Variants in PTGER3 observed in about 807,000 individuals in gnomAD.
The protein encoded by PTGER3 is prostaglandin E2 receptor EP3 subtype.
In PTGER3, 22 loss-of-function variants were observed where a neutral mutation model predicts 34.7. The ratio of observed to expected loss-of-function variants is 0.63; its 90% CI spans 0.45 to 0.91. PTGER3 has a LOEUF of 0.91. Among genes scored for constraint, PTGER3 ranks in the 40% least tolerant of loss-of-function variants. The pLI, the probability that PTGER3 is intolerant of heterozygous loss-of-function variation, is 0.00. For missense variants in PTGER3, 468 were observed against 519.4 expected, an observed-to-expected ratio of 0.90 and a Z score of 0.96; for synonymous variants, 241 against 230.1, an observed-to-expected ratio of 1.05 and a Z score of -0.43.
At chr1:70,936,046 T>C (rs1257375863) in intron 4 of PTGER3, among the ~76,000 whole-genome samples, 2 of 152,098 alleles carry the variant, frequency 1.3e-5, no homozygotes, top group Non-Finnish European at 2.9e-5. Flanking sequence ...ATGAAAAACA[T>C]CTAGTATGAG....
At position 70,907,927 on chromosome 1, in the gene PTGER3, G is replaced by A. The variant is rs555676117; in HGVS notation, c.*23+45836C>T. Among the ~76,000 whole-genome samples, 7 of 152,236 alleles carry A rather than the reference G, an allele frequency of 4.6e-5. No individual in the cohort carries two copies. The South Asian group carries it at 8.3e-4, about 18-fold the overall frequency. ...AGTGAGGGGAAATTCTCACTACTGCGGGCAGAGCTTCAAGAAGTACATCCA... is the reference window on the plus strand; with the variant it reads ...AGTGAGGGGAAATTCTCACTACTGCAGGCAGAGCTTCAAGAAGTACATCCA... On this transcript the variant is annotated intron_variant, in intron 4 of 4. Coordinates refer to the PTGER3 transcript ENST00000370931.
intron 1 of PTGER3, among the ~76,000 whole-genome samples, chr1:71,043,516 C>A (rs1573014428): frequency 6.6e-6 from 1 of 152,140 alleles, no homozygotes; most frequent in Non-Finnish European, 1.5e-5. Flanking sequence ...TTATTATAGT[C>A]ATGATAGTCT....
Position 70,857,061 on chromosome 1 carries a change from T to C in PTGER3, c.*24-4202A>G, listed in dbSNP as rs544867129. 2.6e-5 allele frequency among the ~76,000 whole-genome samples: 4 copies of C among 152,354 alleles called. No individual in the cohort carries two copies. The South Asian group carries it at 8.3e-4, about 32-fold the overall frequency. ...TTTTTGCTACATACATTTAGATTCA[T>C]ATTGGAAAATATTGTACTTTTAGCT... is the stretch of plus-strand genomic sequence containing the variant. On this transcript the variant is annotated intron_variant, in intron 4 of 4. Transcript: ENST00000370931.
At chr1:70,994,510 T>C (rs955121970) in intron 2 of PTGER3, among the ~76,000 whole-genome samples, 1 of 151,922 alleles carries the variant, frequency 6.6e-6, no homozygotes, top group East Asian at 1.9e-4. Context: ...CAGGCTGCAG[T>C]GCAGTAGTGC....
chr1:70,968,869 A>G (rs1652803535), downstream of PTGER3, among the ~76,000 whole-genome samples: 1 of 152,122 alleles, frequency 6.6e-6, no homozygotes, highest in South Asian at 2.1e-4. Flanking sequence ...TTATTTTGTT[A>G]CTTATTACTT....
chr1:70,931,425 T>C (rs1041165857), intron 4 of PTGER3, among the ~76,000 whole-genome samples: 2 of 152,250 alleles, frequency 1.3e-5, no homozygotes, highest in African/African-American at 2.4e-5. Context: ...GTAGGGACTC[T>C]GTGTGGGGGC....
In PTGER3 at chr1:71,046,560, G is replaced by A. The variant is rs1329431587; in HGVS notation, c.897+121C>T. ...CCAAGACCGCGCGGGCAGGAGGAAA[G>A]GACACTTCAGCGCTCTGCGGTTGCA... On this transcript the variant is annotated intron_variant, in intron 1 of 3. Coordinates refer to ENST00000306666, the MANE Select transcript of PTGER3 (RefSeq NM_198719.2). 9 of 1,244,322 alleles carry A rather than the reference G, an allele frequency of 7.2e-6. No individual in the cohort carries two copies. In the East Asian group the frequency reaches 2.4e-4, roughly 33 times the overall value. 77.1% of individuals were successfully genotyped at this position (1,244,322 alleles called of 1,614,324 possible).
intron 2 of PTGER3, among the ~76,000 whole-genome samples, chr1:70,981,351 CTTTCTTTCTTTCTTTCTTTCTTTCTT>C (rs1264685491): frequency 2.3e-4 from 19 of 82,898 alleles, no homozygotes; most frequent in African/African-American, 8.4e-4. Flanking sequence ...TTCTTTCTTT[CTTTCTTTCTTTCTTTCTTTCTTTCTT>C]TCTTTCTTTC....
At chr1:70,967,752 T>C (rs1652678605), downstream of PTGER3, among the ~76,000 whole-genome samples, 3 of 152,206 alleles carry the variant, frequency 2.0e-5, no homozygotes, top group Admixed American at 2.0e-4. Context: ...AAAAACTTTT[T>C]CTCTTAGTTT....
downstream of PTGER3, among the ~76,000 whole-genome samples, chr1:70,948,745 G>T (rs901486512): frequency 2.0e-5 from 3 of 152,010 alleles, no homozygotes; most frequent in Non-Finnish European, 4.4e-5. Context: ...AGCAGATTTT[G>T]CAATAACTGA....
chr1:70,921,413 A>G (rs1647510881), intron 4 of PTGER3, among the ~76,000 whole-genome samples: 1 of 152,108 alleles, frequency 6.6e-6, no homozygotes, highest in Non-Finnish European at 1.5e-5. Flanking sequence ...CTGTCGAATG[A>G]ATGGTAAAAA....
At chr1:70,948,278 C>T (rs1650409475), downstream of PTGER3, among the ~76,000 whole-genome samples, 1 of 152,136 alleles carries the variant, frequency 6.6e-6, no homozygotes, top group South Asian at 2.1e-4. Flanking sequence ...CCATGCTGGT[C>T]TTGTGATAGT....
rs769396493 is a variant in PTGER3 at position 71,046,908 on chromosome 1, T to A, written c.670A>T (p.Asn224Tyr). ...RGGNGTSSSH[N>Y]WGNLFFASAF... ...GAGGCGAAGAAAAGGTTGCCCCAGTTATGCGAAGAGCTAGTCCCGTTGCCC... is the reference window on the plus strand; with the variant it reads ...GAGGCGAAGAAAAGGTTGCCCCAGTAATGCGAAGAGCTAGTCCCGTTGCCC... The change falls in exon 1 of 4, where the codon AAC (asparagine) becomes TAC (tyrosine). Residue 224 changes from asparagine to tyrosine, a missense_variant. Transcript: ENST00000306666. The A allele has an allele frequency of 1.9e-6, 3 of 1,611,998 alleles. No individual in the cohort carries two copies. The highest frequency in any genetic ancestry group is 2.2e-5 in the East Asian group (1 of 44,834).
intron 4 of PTGER3, among the ~76,000 whole-genome samples, chr1:70,906,568 T>C (rs530477502): frequency 6.6e-6 from 1 of 152,314 alleles, no homozygotes; most frequent in East Asian, 1.9e-4. Context: ...ATAAATTCCA[T>C]ATAGTAATTT....
rs563003791 is a variant in PTGER3 at position 70,874,385 on chromosome 1, G to A, written c.*24-21526C>T. On this transcript the variant is annotated intron_variant, in intron 4 of 4. Transcript: ENST00000370931. ...ACTCAATAAATATTGACTCAATTGC[G>A]TGTTGCCATGGGTTATCTTCCTTTC... Among the ~76,000 whole-genome samples the A allele has an allele frequency of 5.3e-5, 8 of 152,270 alleles. No homozygotes were observed. In the South Asian group the frequency reaches 8.3e-4, roughly 16 times the overall value.
chr1:70,939,070 G>T (rs966343832), intron 4 of PTGER3, among the ~76,000 whole-genome samples: 3 of 152,168 alleles, frequency 2.0e-5, no homozygotes, highest in African/African-American at 4.8e-5. Flanking sequence ...TTACTTCCTA[G>T]ATACAATAGG....
chr1:70,920,057 T>C (rs539594389), intron 4 of PTGER3, among the ~76,000 whole-genome samples: 1 of 152,314 alleles, frequency 6.6e-6, no homozygotes, highest in East Asian at 1.9e-4. Context: ...TTGATTCTGA[T>C]ATTTCATGGG....
At chr1:71,017,035 T>G (rs1454921432) in intron 1 of PTGER3, among the ~76,000 whole-genome samples, 4 of 152,062 alleles carry the variant, frequency 2.6e-5, no homozygotes, top group Non-Finnish European at 5.9e-5. Context: ...ATGCCCCTCC[T>G]GCCACACACA....
chr1:70,919,644 C>T (rs907151324), intron 4 of PTGER3, among the ~76,000 whole-genome samples: 4 of 152,090 alleles, frequency 2.6e-5, no homozygotes, highest in Admixed American at 2.6e-4. Flanking sequence ...CATTTGTAAT[C>T]TCTGCTTCTC....
Sources: allele counts gnomAD v4.1 joint callset (sites outside exome capture counted in the v4.1 genomes callset), GRCh38; gene constraint gnomAD v4.1.1; transcripts MANE v1.5; gene names NCBI Gene and HGNC (gene_info 2026-07-23, HGNC 2026-07-21).